CECR2: variants seen among roughly 807,000 people sequenced by gnomAD.
CECR2 encodes chromatin remodeling regulator CECR2.
CECR2 carries 30 observed loss-of-function variants against 154.5 expected under a neutral mutation model. The ratio of observed to expected loss-of-function variants is 0.19; its 90% CI spans 0.15 to 0.26. The LOEUF (loss-of-function observed/expected upper bound fraction) is 0.26, where lower values mean the gene tolerates loss of function less well. Ranked by LOEUF, CECR2 falls within the 10% of genes least tolerant of loss-of-function variation. CECR2 has a pLI of 1.00. For missense variants in CECR2, 1,743 were observed against 1,829.3 expected, an observed-to-expected ratio of 0.95 and a Z score of 0.86; for synonymous variants, 725 against 683.7, an observed-to-expected ratio of 1.06 and a Z score of -0.94.
intron 13 of CECR2, among the ~76,000 whole-genome samples, chr22:17,539,873 A>C (rs571878954): frequency 3.3e-5 from 5 of 152,160 alleles, no homozygotes; most frequent in Non-Finnish European, 7.4e-5. Context: ...TCACTCTGTC[A>C]CCCAAGCAGG....
chr22:17,455,345 T>A lies in CECR2; in HGVS notation c.127-22243T>A, dbSNP rs531325687. On this transcript the variant is annotated intron_variant, in intron 1 of 18. Coordinates refer to ENST00000262608, the MANE Select transcript of CECR2 (RefSeq NM_001290047.2). ...TCTAAGAGAAGTTACTATTTATTCC[T>A]CCTAATTAGATGGGGAGGAAAGTCT... Among the ~76,000 whole-genome samples, 6 of 152,346 alleles carry A rather than the reference T, an allele frequency of 3.9e-5. No homozygotes were observed. In the South Asian group the frequency reaches 1.2e-3, roughly 32 times the overall value.
intron 1 of CECR2, among the ~76,000 whole-genome samples, chr22:17,422,852 T>G (rs2054277269): frequency 6.6e-6 from 1 of 152,172 alleles, no homozygotes; most frequent in Non-Finnish European, 1.5e-5. Context: ...CTCTGGCACT[T>G]CTTTTCATTT....
At chr22:17,484,773 T>G (rs1296506983) in intron 2 of CECR2, among the ~76,000 whole-genome samples, 1 of 152,154 alleles carries the variant, frequency 6.6e-6, no homozygotes, top group East Asian at 1.9e-4. Context: ...AGCTACTCTG[T>G]AGGCTGAGGC....
At chr22:17,544,669 G>T (rs1032862572) in intron 16 of CECR2, among the ~76,000 whole-genome samples, 1 of 151,678 alleles carries the variant, frequency 6.6e-6, no homozygotes, top group Non-Finnish European at 1.5e-5. Context: ...AATTAGCCAA[G>T]CATAGTGGCA....
At chr22:17,502,847 T>C (rs1280694946) in intron 5 of CECR2, among the ~76,000 whole-genome samples, 1 of 152,204 alleles carries the variant, frequency 6.6e-6, no homozygotes, top group Non-Finnish European at 1.5e-5. Flanking sequence ...TTCTTATGCA[T>C]TGATACTGTT....
At position 17,515,037 on chromosome 22, in the gene CECR2, A is replaced by G. The variant is rs1043184049; in HGVS notation, c.954+3141A>G. Among the ~76,000 whole-genome samples, 35 of 152,050 alleles carry G rather than the reference A, an allele frequency of 2.3e-4. 1 individual carries two copies. The highest frequency in any genetic ancestry group is 4.7e-4 in the Non-Finnish European group (32 of 67,948). ...GACTCCGTCTCAAAAAAAAAAAAAA[A>G]GAAAAGCAGATTTGTTGTTCACAAC... is the stretch of plus-strand genomic sequence containing the variant. On this transcript the variant is annotated intron_variant, in intron 8 of 18. Transcript: ENST00000262608.
rs149786172 is a variant in CECR2 at position 17,383,384 on chromosome 22, A to G, written c.126+13475A>G. 7.1e-3 allele frequency among the ~76,000 whole-genome samples: 1,083 copies of G among 152,328 alleles called. 11 individuals are homozygous for G. Among genetic ancestry groups the G allele is most frequent in the African/African-American group, 0.025 (1,037 of 41,578 alleles). Reference sequence around the variant, plus strand: ...TTAACCCACAGTAAAACTTCTTTCAAAATTGAAGTTGGTCCTCTCAAACCC... The same window carrying G: ...TTAACCCACAGTAAAACTTCTTTCAGAATTGAAGTTGGTCCTCTCAAACCC... On this transcript the variant is annotated intron_variant, in intron 1 of 18. Transcript: ENST00000262608.
chr22:17,544,853 C>T (rs1214152514), intron 16 of CECR2, among the ~76,000 whole-genome samples: 1 of 146,560 alleles, frequency 6.8e-6, no homozygotes, highest in Non-Finnish European at 1.5e-5. Flanking sequence ...TGCCTATAGT[C>T]CCAGCTACTT....
At chr22:17,418,595 C>T (rs1034712543) in intron 1 of CECR2, 1 of 164,754 alleles carries the variant, frequency 6.1e-6, no homozygotes, top group African/African-American at 2.4e-5. Context: ...ATTGTTTAGT[C>T]TTTCTGGTCT....
intron 6 of CECR2, among the ~76,000 whole-genome samples, chr22:17,504,296 GC>G (rs1346876685): frequency 6.6e-6 from 1 of 151,666 alleles, no homozygotes; most frequent in Non-Finnish European, 1.5e-5. Context: ...GATGGCTTGA[GC>G]CCAGGAGGTG....
chr22:17,499,612 A>T, intron 4 of CECR2, 63 bp downstream of exon 4: 2 of 1,480,906 alleles, frequency 1.4e-6, no homozygotes, highest in East Asian at 2.5e-5. Flanking sequence ...GATTAAATGC[A>T]TCAGAATTCT....
chr22:17,482,979 C>G (rs1169103720), intron 2 of CECR2, among the ~76,000 whole-genome samples: 1 of 152,146 alleles, frequency 6.6e-6, no homozygotes, highest in Admixed American at 6.6e-5. Context: ...CCGCGCCCAG[C>G]CTAGTTATTT....
intron 1 of CECR2, among the ~76,000 whole-genome samples, chr22:17,386,223 C>T (rs781493966): frequency 1.3e-5 from 2 of 152,114 alleles, no homozygotes; most frequent in Non-Finnish European, 2.9e-5. Context: ...TCAAAGATGA[C>T]TTCGGAGAAG....
intron 2 of CECR2, among the ~76,000 whole-genome samples, chr22:17,481,797 T>C (rs2055324079): frequency 6.6e-6 from 1 of 152,150 alleles, no homozygotes; most frequent in East Asian, 1.9e-4. Flanking sequence ...TAAACAAACC[T>C]AGTGCGCTAC....
intron 9 of CECR2, among the ~76,000 whole-genome samples, chr22:17,525,624 T>G (rs1162255951): frequency 2.0e-5 from 3 of 152,168 alleles, no homozygotes; most frequent in African/African-American, 7.2e-5. Context: ...AAACAACCCT[T>G]AGTGCATATA....
chr22:17,476,228 A>C (rs1323782263), intron 1 of CECR2, among the ~76,000 whole-genome samples: 1 of 150,666 alleles, frequency 6.6e-6, no homozygotes, highest in African/African-American at 2.4e-5. Context: ...CTCAGCTCCC[A>C]TAGCGTGTTT....
intron 8 of CECR2, among the ~76,000 whole-genome samples, chr22:17,513,215 A>G (rs1261153128): frequency 6.6e-6 from 1 of 152,212 alleles, no homozygotes. Context: ...ACTTTATCAC[A>G]TCACATCACA....
chr22:17,518,231 C>T (rs575898049), intron 8 of CECR2, among the ~76,000 whole-genome samples: 94 of 152,264 alleles, frequency 6.2e-4, no homozygotes, highest in Middle Eastern at 3.4e-3. Context: ...GATTAGGCGA[C>T]GCTTTGCATA....
intron 1 of CECR2, among the ~76,000 whole-genome samples, chr22:17,384,692 C>T (rs1452613191): frequency 1.3e-5 from 2 of 152,166 alleles, no homozygotes; most frequent in Non-Finnish European, 2.9e-5. Context: ...TACATTAGCA[C>T]AGTTTTCAAG....
Sources: gnomAD v4.1 joint callset for allele counts (sites outside exome capture counted in the v4.1 genomes callset) on GRCh38, gnomAD v4.1.1 for gene constraint, MANE v1.5 for transcripts, NCBI Gene and HGNC (gene_info 2026-07-23, HGNC 2026-07-21) for gene names.